Variants in MACROD2 observed in about 807,000 individuals in gnomAD.
MACROD2 encodes the protein mono-ADP ribosylhydrolase 2.
In MACROD2, 36 loss-of-function variants were observed where a neutral mutation model predicts 70.4. The observed-to-expected ratio is 0.51, with a 90% confidence interval of 0.39 to 0.68. The LOEUF is 0.68. Ranked by LOEUF, MACROD2 falls within the 30% of genes least tolerant of loss-of-function variation. The pLI, the probability that MACROD2 is intolerant of heterozygous loss-of-function variation, is 0.00. For missense variants in MACROD2, 496 were observed against 538.4 expected, an observed-to-expected ratio of 0.92 and a Z score of 0.78; for synonymous variants, 172 against 178.8, an observed-to-expected ratio of 0.96 and a Z score of 0.30.
rs530915554 is a variant in MACROD2, at chr20:16,047,854, A to G, written c.1301-1976A>G. 5.9e-5 allele frequency among the ~76,000 whole-genome samples: 9 copies of G among 152,362 alleles called. No homozygotes were observed. The South Asian group carries it at 1.9e-3, about 32-fold the overall frequency. ...TAATGCCCACCTTGGACCTTGAACC[A>G]TTCAACGTAAGGAGTTGGAACTGAT... On this transcript the variant is annotated intron_variant, in intron 17 of 17. Transcript: ENST00000684519.
rs554701908 is a variant in MACROD2 at position 14,271,218 on chromosome 20, G to A, written c.271+185490G>A. Among the ~76,000 whole-genome samples, 935 of 152,246 alleles carry A rather than the reference G, an allele frequency of 6.1e-3. 3 individuals are homozygous for A. Among genetic ancestry groups the A allele is most frequent in the Middle Eastern group, 0.024 (7 of 294 alleles). ...AGTGGGTCCCTGACCCCTGACCCCC[G>A]AGCAGCCTAACTGGGAGGCACCCCC... On this transcript the variant is annotated intron_variant, in intron 3 of 17. Transcript: ENST00000684519.
At chr20:15,684,794 A>G (rs998990740) in intron 8 of MACROD2, among the ~76,000 whole-genome samples, 1 of 152,178 alleles carries the variant, frequency 6.6e-6, no homozygotes, top group South Asian at 2.1e-4. Context: ...AGATATGACC[A>G]TTTTTAAAAT....
chr20:15,214,529 AC>A (rs2076792167), intron 5 of MACROD2, among the ~76,000 whole-genome samples: 1 of 152,216 alleles, frequency 6.6e-6, no homozygotes, highest in African/African-American at 2.4e-5. Flanking sequence ...CTCTAAAAAA[AC>A]AAAACAAAAT....
At chr20:15,116,952 CT>C (rs1450750943) in intron 5 of MACROD2, among the ~76,000 whole-genome samples, 1 of 152,160 alleles carries the variant, frequency 6.6e-6, no homozygotes, top group African/African-American at 2.4e-5. Context: ...ACTGTTAATA[CT>C]TTTATTGCAC....
intron 6 of MACROD2, among the ~76,000 whole-genome samples, chr20:15,232,453 T>A (rs542659474): frequency 6.6e-6 from 1 of 152,044 alleles, no homozygotes; most frequent in African/African-American, 2.4e-5. Flanking sequence ...GGACAAGTAA[T>A]GTCAACATTT....
chr20:15,927,480 G>C (rs2065508125), intron 10 of MACROD2, among the ~76,000 whole-genome samples: 1 of 152,148 alleles, frequency 6.6e-6, no homozygotes, highest in Non-Finnish European at 1.5e-5. Flanking sequence ...GTGACTTCAG[G>C]GAAGTGACTT....
At chr20:14,093,473 T>A (rs912956093) in intron 3 of MACROD2, among the ~76,000 whole-genome samples, 1 of 152,164 alleles carries the variant, frequency 6.6e-6, no homozygotes, top group Non-Finnish European at 1.5e-5. Flanking sequence ...TACGTGATGT[T>A]CAGATTCTGC....
chr20:15,528,721 G>A (rs972830451), intron 8 of MACROD2, among the ~76,000 whole-genome samples: 1 of 137,162 alleles, frequency 7.3e-6, no homozygotes, highest in Non-Finnish European at 1.5e-5. Context: ...TTGCAGTTAT[G>A]TGGTTTTTTT....
chr20:14,886,793 A>C (rs1004595422), intron 5 of MACROD2, among the ~76,000 whole-genome samples: 3 of 152,182 alleles, frequency 2.0e-5, no homozygotes, highest in African/African-American at 7.2e-5. Flanking sequence ...TAAACCCAAA[A>C]TACAAATGAG....
At chr20:14,899,177 C>T (rs2073866290) in intron 5 of MACROD2, among the ~76,000 whole-genome samples, 1 of 152,198 alleles carries the variant, frequency 6.6e-6, no homozygotes, top group Non-Finnish European at 1.5e-5. Context: ...TAGGAGAAAG[C>T]AGGCATTTGC....
At chr20:15,960,736 T>C (rs1054745661) in intron 12 of MACROD2, among the ~76,000 whole-genome samples, 7 of 151,928 alleles carry the variant, frequency 4.6e-5, no homozygotes, top group Non-Finnish European at 8.8e-5. Context: ...TCCTTGGGGG[T>C]CCAGAGCTGG....
At chr20:14,773,055 G>A (rs994216837) in intron 5 of MACROD2, among the ~76,000 whole-genome samples, 4 of 151,982 alleles carry the variant, frequency 2.6e-5, no homozygotes, top group African/African-American at 9.7e-5. Flanking sequence ...AAGGTAGGAT[G>A]AAAGAAATCA....
At chr20:15,354,435 G>T (rs1391466377) in intron 6 of MACROD2, among the ~76,000 whole-genome samples, 1 of 152,074 alleles carries the variant, frequency 6.6e-6, no homozygotes, top group Non-Finnish European at 1.5e-5. Context: ...CACCAACATG[G>T]CACATGTATA....
chr20:14,377,153 A>G (rs764644915), intron 3 of MACROD2, among the ~76,000 whole-genome samples: 2 of 152,122 alleles, frequency 1.3e-5, no homozygotes, highest in African/African-American at 2.4e-5. Flanking sequence ...AGTGCTTGTG[A>G]GCATCAAATT....
intron 3 of MACROD2, among the ~76,000 whole-genome samples, chr20:14,150,472 T>C (rs943826547): frequency 3.2e-4 from 48 of 152,214 alleles, no homozygotes; most frequent in Non-Finnish European, 6.2e-4. Context: ...GTTAGTCATT[T>C]ACTTTTGGAA....
At chr20:15,430,512 C>T (rs2046351147) in intron 6 of MACROD2, among the ~76,000 whole-genome samples, 1 of 151,980 alleles carries the variant, frequency 6.6e-6, no homozygotes, top group African/African-American at 2.4e-5. Context: ...ACACAGAAAT[C>T]CCTTGGCAGA....
chr20:14,151,484 A>T (rs2055019899), intron 3 of MACROD2, among the ~76,000 whole-genome samples: 1 of 152,198 alleles, frequency 6.6e-6, no homozygotes, highest in South Asian at 2.1e-4. Flanking sequence ...AATGTTAGCC[A>T]GGCAAATAGA....
chr20:14,954,996 TA>T, intron 5 of MACROD2, among the ~76,000 whole-genome samples: 2 of 116,606 alleles, frequency 1.7e-5, no homozygotes, highest in African/African-American at 7.0e-5. Context: ...TTAAATATAT[TA>T]TATATTTATA....
intron 4 of MACROD2, among the ~76,000 whole-genome samples, chr20:14,574,399 T>C (rs1980431606): frequency 6.6e-6 from 1 of 151,852 alleles, no homozygotes; most frequent in African/African-American, 2.4e-5. Flanking sequence ...ATTCATTCAT[T>C]CATCTAATAT....
Sources: gnomAD v4.1 joint callset for allele counts (sites outside exome capture counted in the v4.1 genomes callset) on GRCh38, gnomAD v4.1.1 for gene constraint, MANE v1.5 for transcripts, NCBI Gene and HGNC (gene_info 2026-07-23, HGNC 2026-07-21) for gene names.